Variants in LGR6 observed in about 807,000 individuals in gnomAD.
LGR6 encodes the protein leucine-rich repeat-containing G protein-coupled receptor 6.
A neutral mutation model predicts 69.4 loss-of-function variants in LGR6; 45 were observed. That is an observed-to-expected ratio of 0.65 (90% CI 0.51 to 0.83). The LOEUF (loss-of-function observed/expected upper bound fraction) is 0.83, where lower values mean the gene tolerates loss of function less well. Ranked by LOEUF, LGR6 falls within the 40% of genes least tolerant of loss-of-function variation. The pLI is 0.00. For synonymous variants in LGR6, 538 were observed against 555.0 expected, an observed-to-expected ratio of 0.97 and a Z score of 0.43; for missense variants, 1,108 against 1,246.7, an observed-to-expected ratio of 0.89 and a Z score of 1.68.
At chr1:202,251,137 G>A (rs1663204726) in intron 4 of LGR6, among the ~76,000 whole-genome samples, 1 of 152,144 alleles carries the variant, frequency 6.6e-6, no homozygotes, top group Non-Finnish European at 1.5e-5. Context: ...GCCTGATATA[G>A]GCAATGCTGT....
At chr1:202,309,541 G>A (rs896365321) in intron 15 of LGR6, among the ~76,000 whole-genome samples, 11 of 152,236 alleles carry the variant, frequency 7.2e-5, no homozygotes, top group Admixed American at 2.0e-4. Context: ...CTGGAATCAG[G>A]GCAGAGCCCA....
intron 1 of LGR6, among the ~76,000 whole-genome samples, chr1:202,200,087 C>G (rs975835891): frequency 1.3e-5 from 2 of 152,298 alleles, no homozygotes; most frequent in African/African-American, 4.8e-5. Context: ...CTAACAAAGC[C>G]CGTCCCACTG....
chr1:202,310,264 T>G lies in LGR6; in HGVS notation c.1474T>G (p.Ser492Ala). The G allele has an allele frequency of 6.2e-7, 1 of 1,614,114 alleles. No homozygotes were observed. Among genetic ancestry groups the G allele is most frequent in the South Asian group, 1.1e-5 (1 of 91,080 alleles). Residue 492 changes from serine (S) to alanine (A), a missense_variant, in exon 16 of 18, where the codon TCT (serine) becomes GCT (alanine). Coordinates refer to ENST00000367278, the MANE Select transcript of LGR6 (RefSeq NM_001017403.2). ...YGMCASFFKASGQWEAEDLHL... is the reference protein window; with the variant it reads ...YGMCASFFKAAGQWEAEDLHL... ...GATGTGTGCCAGCTTCTTCAAGGCCTCTGGGCAGTGGGAGGCTGAAGACCT... is the reference window on the plus strand; with the variant it reads ...GATGTGTGCCAGCTTCTTCAAGGCCGCTGGGCAGTGGGAGGCTGAAGACCT...
At chr1:202,225,600 G>A in intron 2 of LGR6, 106 bp downstream of exon 2, 1 of 979,286 alleles carries the variant, frequency 1.0e-6, no homozygotes, top group South Asian at 1.5e-5. Flanking sequence ...AAGGGGCTTG[G>A]GAAGCTAAGA....
chr1:202,245,689 A>G (rs1300405421), intron 4 of LGR6, among the ~76,000 whole-genome samples: 2 of 152,212 alleles, frequency 1.3e-5, no homozygotes, highest in Non-Finnish European at 2.9e-5. Context: ...GATAGCTCAG[A>G]TTTGGTGTAG....
At chr1:202,254,350 T>G (rs1473463957) in intron 4 of LGR6, among the ~76,000 whole-genome samples, 1 of 152,196 alleles carries the variant, frequency 6.6e-6, no homozygotes, top group Non-Finnish European at 1.5e-5. Context: ...TCAGGGAAAC[T>G]CTGGCTGTGA....
chr1:202,238,215 C>T (rs1357195648), intron 4 of LGR6, among the ~76,000 whole-genome samples: 2 of 151,534 alleles, frequency 1.3e-5, no homozygotes, highest in Non-Finnish European at 2.9e-5. Context: ...CTCACCTTAG[C>T]CTCCTGAGTA....
chr1:202,205,674 TACAC>T (rs1183776257), intron 1 of LGR6, among the ~76,000 whole-genome samples: 2 of 98,100 alleles, frequency 2.0e-5, no homozygotes, highest in Admixed American at 1.1e-4. Context: ...CCCTCAAACA[TACAC>T]ACACACCTCC....
chr1:202,233,607 T>C (rs1280647472), intron 3 of LGR6, among the ~76,000 whole-genome samples: 1 of 152,280 alleles, frequency 6.6e-6, no homozygotes, highest in East Asian at 1.9e-4. Flanking sequence ...TGAGGCTTTA[T>C]GCACCTTCTG....
rs570097906 is a variant in LGR6, at chr1:202,299,072, C to T, written c.785+1496C>T. Among the ~76,000 whole-genome samples the T allele has an allele frequency of 1.8e-3, 279 of 151,848 alleles. 1 individual carries two copies. Among genetic ancestry groups the T allele is most frequent in the South Asian group, 7.3e-3 (35 of 4,792 alleles). ...GTCAGAAGTTCGAGACCAACCTGGA[C>T]AACATGGTGAAACCCCATCTCTACT... On this transcript the variant is annotated intron_variant, in intron 7 of 17. Transcript: ENST00000367278.
intron 4 of LGR6, among the ~76,000 whole-genome samples, chr1:202,266,235 A>C (rs1354295630): frequency 6.6e-6 from 1 of 152,118 alleles, no homozygotes; most frequent in Non-Finnish European, 1.5e-5. Context: ...GTGCCTCTGC[A>C]CAACACCATG....
intron 1 of LGR6, among the ~76,000 whole-genome samples, chr1:202,202,231 C>T (rs1658863955): frequency 6.6e-6 from 1 of 152,202 alleles, no homozygotes; most frequent in African/African-American, 2.4e-5. Context: ...GTCCCACTCC[C>T]TGGGGCAGCA....
At chr1:202,249,031 C>G (rs541578566) in intron 4 of LGR6, among the ~76,000 whole-genome samples, 5 of 152,156 alleles carry the variant, frequency 3.3e-5, no homozygotes, top group African/African-American at 1.2e-4. Flanking sequence ...GTGATAGATA[C>G]CAGGTACCTT....
chr1:202,301,431 C>T (rs889684012), intron 9 of LGR6, among the ~76,000 whole-genome samples, 196 bp downstream of exon 9: 16 of 152,212 alleles, frequency 1.1e-4, no homozygotes, highest in Non-Finnish European at 2.2e-4. Flanking sequence ...AGCCTCCCTC[C>T]ACCTCCCTGA....
At chr1:202,196,311 G>A (rs1248813028) in intron 1 of LGR6, among the ~76,000 whole-genome samples, 1 of 152,164 alleles carries the variant, frequency 6.6e-6, no homozygotes, top group African/African-American at 2.4e-5. Flanking sequence ...TGCCCTCTCT[G>A]GAGAACAGCT....
intron 14 of LGR6, among the ~76,000 whole-genome samples, 167 bp downstream of exon 14, chr1:202,307,568 C>G (rs1207835065): frequency 6.6e-6 from 1 of 152,196 alleles, no homozygotes; most frequent in African/African-American, 2.4e-5. Context: ...AGTGTGGGGC[C>G]TGATAAACAG....
At chr1:202,316,483 C>T (rs1654153766) in intron 17 of LGR6, among the ~76,000 whole-genome samples, 3 of 152,230 alleles carry the variant, frequency 2.0e-5, no homozygotes, top group African/African-American at 7.2e-5. Context: ...GGCCCCACCT[C>T]CAACATTCCC....
chr1:202,257,006 A>G (rs956569407), intron 4 of LGR6, among the ~76,000 whole-genome samples: 1 of 152,120 alleles, frequency 6.6e-6, no homozygotes, highest in Non-Finnish European at 1.5e-5. Flanking sequence ...CCATTTGTAT[A>G]TCTTGTTTGG....
chr1:202,200,092 C>T (rs140417645), intron 1 of LGR6, among the ~76,000 whole-genome samples: 1 of 152,288 alleles, frequency 6.6e-6, no homozygotes, highest in Non-Finnish European at 1.5e-5. Context: ...AAAGCCCGTC[C>T]CACTGACTTT....
Sources: allele counts gnomAD v4.1 joint callset (sites outside exome capture counted in the v4.1 genomes callset), GRCh38; gene constraint gnomAD v4.1.1; transcripts MANE v1.5; gene names NCBI Gene and HGNC (gene_info 2026-07-23, HGNC 2026-07-21).